Variants in LY96 observed in about 807,000 individuals in gnomAD.
LY96 encodes lymphocyte antigen 96.
LY96 carries 18 observed loss-of-function variants against 18.9 expected under a neutral mutation model. The observed-to-expected ratio is 0.95, with a 90% CI of 0.66 to 1.41. The LOEUF (loss-of-function observed/expected upper bound fraction) is 1.41, where lower values mean the gene tolerates loss of function less well. LY96 is among the 40% of genes most tolerant of loss of function. LY96 has a pLI of 0.00. For missense variants in LY96, 175 were observed against 182.4 expected, an observed-to-expected ratio of 0.96 and a Z score of 0.23; for synonymous variants, 66 against 62.6, an observed-to-expected ratio of 1.06 and a Z score of -0.26.
the LY96 span, among the ~76,000 whole-genome samples, chr8:74,038,686 C>T: frequency 1.3e-5 from 2 of 152,158 alleles, no homozygotes; most frequent in Non-Finnish European, 2.9e-5. Flanking sequence ...GCCAGTGCAC[C>T]CAGACTCTCA....
chr8:74,081,543 GC>G, the LY96 span, among the ~76,000 whole-genome samples: 1 of 151,864 alleles, frequency 6.6e-6, no homozygotes, highest in Admixed American at 6.6e-5. Context: ...ACAGGTGTGA[GC>G]CATCATGCCT....
chr8:74,096,948 G>A, the LY96 span, among the ~76,000 whole-genome samples: 6 of 152,324 alleles, frequency 3.9e-5, no homozygotes, highest in African/African-American at 1.2e-4. Context: ...GAAAAAGAGA[G>A]CAGACCTTTC....
chr8:74,041,706 A>C, the LY96 span, among the ~76,000 whole-genome samples: 1 of 150,692 alleles, frequency 6.6e-6, no homozygotes, highest in South Asian at 2.1e-4. Context: ...GGGTGGGGAA[A>C]CCCCCCCCAC....
chr8:74,070,350 C>T, the LY96 span, among the ~76,000 whole-genome samples: 6 of 152,276 alleles, frequency 3.9e-5, no homozygotes, highest in Admixed American at 6.5e-5. Context: ...CTCGGCCTCC[C>T]GAAGTGCTAG....
At chr8:74,054,809 A>G in the LY96 span, among the ~76,000 whole-genome samples, 7 of 150,734 alleles carry the variant, frequency 4.6e-5, no homozygotes, top group Non-Finnish European at 4.4e-5. Context: ...GACCACAGGC[A>G]TGTGCCGCCA....
chr8:74,048,744 G>C, the LY96 span: 5 of 151,078 alleles, frequency 3.3e-5, no homozygotes, highest in Admixed American at 2.0e-4. Flanking sequence ...CAGCCCCAGC[G>C]CAACGGTGAC....
chr8:74,098,003 GT>G, the LY96 span, among the ~76,000 whole-genome samples: 2 of 152,170 alleles, frequency 1.3e-5, no homozygotes, highest in African/African-American at 4.8e-5. Context: ...AGCAGGTATG[GT>G]TTTTCACCAG....
intron 1 of LY96, among the ~76,000 whole-genome samples, chr8:73,996,376 T>TTCCTTCCTTC (rs1563707881): frequency 3.3e-3 from 60 of 17,952 alleles, no homozygotes; most frequent in South Asian, 0.011. Flanking sequence ...TTCATTCCTT[T>TTCCTTCCTTC]CTTTCTTTCT....
downstream of LY96, among the ~76,000 whole-genome samples, chr8:74,031,339 G>C (rs1816966171): frequency 6.6e-6 from 1 of 152,186 alleles, no homozygotes; most frequent in Non-Finnish European, 1.5e-5. Flanking sequence ...TAAAGAAAAT[G>C]TAATTTTGCT....
At chr8:74,002,018 C>T (rs867860288) in intron 1 of LY96, among the ~76,000 whole-genome samples, 714 of 10,078 alleles carry the variant, frequency 0.071, 12 homozygotes, top group Middle Eastern at 0.14. Flanking sequence ...TTCCTTCCTT[C>T]CTTCCTTCCT....
the LY96 span, among the ~76,000 whole-genome samples, chr8:74,045,936 A>G: frequency 6.6e-6 from 1 of 152,140 alleles, no homozygotes; most frequent in Non-Finnish European, 1.5e-5. Flanking sequence ...CCCAGAGCAC[A>G]GAGGACAGTG....
the LY96 span, among the ~76,000 whole-genome samples, chr8:74,081,735 C>A: frequency 6.6e-6 from 1 of 152,070 alleles, no homozygotes; most frequent in African/African-American, 2.4e-5. Context: ...CTCACTACAA[C>A]CTCTGCCTCC....
the LY96 span, among the ~76,000 whole-genome samples, chr8:74,059,629 T>G: frequency 6.6e-6 from 1 of 152,214 alleles, no homozygotes; most frequent in Non-Finnish European, 1.5e-5. Flanking sequence ...AATGTCTAAT[T>G]CACATTTTTG....
the LY96 span, among the ~76,000 whole-genome samples, chr8:74,065,999 T>A: frequency 6.6e-6 from 1 of 152,238 alleles, no homozygotes; most frequent in Non-Finnish European, 1.5e-5. Flanking sequence ...ATTTGCTAAA[T>A]CTGGCAACCT....
intron 1 of LY96, among the ~76,000 whole-genome samples, chr8:74,001,843 A>G (rs1816276427): frequency 6.6e-6 from 1 of 152,026 alleles, no homozygotes; most frequent in Non-Finnish European, 1.5e-5. Context: ...GTATTTAAAA[A>G]CAAACCAACA....
the LY96 span, among the ~76,000 whole-genome samples, chr8:74,039,616 G>A: frequency 6.6e-6 from 1 of 152,140 alleles, no homozygotes; most frequent in Non-Finnish European, 1.5e-5. Flanking sequence ...GATTGATAAG[G>A]TGAAGCAAGT....
At chr8:74,072,441 C>G in the LY96 span, among the ~76,000 whole-genome samples, 1 of 152,170 alleles carries the variant, frequency 6.6e-6, no homozygotes, top group African/African-American at 2.4e-5. Flanking sequence ...GCATTATAAT[C>G]TAACATATGG....
intron 1 of LY96, among the ~76,000 whole-genome samples, chr8:74,004,195 ATCT>A (rs1249408393): frequency 6.6e-6 from 1 of 152,162 alleles, no homozygotes; most frequent in Non-Finnish European, 1.5e-5. Flanking sequence ...AAGATTTTTC[ATCT>A]TCTCACTCTG....
At chr8:73,999,291 G>C (rs1362533039) in intron 1 of LY96, among the ~76,000 whole-genome samples, 1 of 151,242 alleles carries the variant, frequency 6.6e-6, no homozygotes, top group Non-Finnish European at 1.5e-5. Flanking sequence ...TTTGAAACAA[G>C]ATCTCAATCT....
Sources: gnomAD v4.1 joint callset for allele counts (sites outside exome capture counted in the v4.1 genomes callset) on GRCh38, gnomAD v4.1.1 for gene constraint, MANE v1.5 for transcripts, NCBI Gene and HGNC (gene_info 2026-07-23, HGNC 2026-07-21) for gene names.